The following PATJ variants were observed in gnomAD, a reference collection of about 807,000 sequenced individuals.
PATJ encodes the protein inaD-like protein.
Under a neutral mutation model 224.9 loss-of-function variants are expected in PATJ, and 190 were observed. That is an observed-to-expected ratio of 0.84 (90% confidence interval 0.75 to 0.95). PATJ has a LOEUF of 0.95. Ranked by LOEUF, PATJ falls within the 40% of genes least tolerant of loss-of-function variation. PATJ has a pLI of 0.00. For synonymous variants in PATJ, 769 were observed against 820.3 expected (o/e 0.94, Z 1.07); for missense variants, 2,121 against 2,270.3 (o/e 0.93, Z 1.34).
Position 61,987,811 on chromosome 1 carries a change from C to T in PATJ, c.3671-2357C>T, listed in dbSNP as rs79546994. Reference sequence around the variant, plus strand: ...TTTCACCCACCAAGATTCTTCTTCACATAATCAAATTCCATACCTTACTCA... The same window carrying T: ...TTTCACCCACCAAGATTCTTCTTCATATAATCAAATTCCATACCTTACTCA... On this transcript the variant is annotated intron_variant, in intron 27 of 43. Coordinates refer to ENST00000642238, the MANE Select transcript of PATJ (RefSeq NM_001350145.3). Among the ~76,000 whole-genome samples, 1,033 of 152,308 alleles carry T rather than the reference C, an allele frequency of 6.8e-3. 16 individuals are homozygous for T. The highest frequency in any genetic ancestry group is 0.024 in the African/African-American group (996 of 41,572).
rs1241224468 is a variant in PATJ, at chr1:61,910,007, CTT to C, written c.3492+1526_3492+1527del. Among the ~76,000 whole-genome samples, 7 of 152,260 alleles carry C rather than the reference CTT, an allele frequency of 4.6e-5. No homozygotes were observed. The East Asian group carries it at 5.8e-4, about 13-fold the overall frequency. ...AGAGAGGTGAGCTGAATAAAGTTCT[CTT>C]GTTTTCATAAAATTTGAAATTCAAT... On this transcript the variant is annotated intron_variant, in intron 25 of 43. Coordinates refer to ENST00000642238, the MANE Select transcript of PATJ (RefSeq NM_001350145.3).
intron 11 of PATJ, among the ~76,000 whole-genome samples, chr1:61,801,252 A>AC (rs1480749625): frequency 1.3e-5 from 2 of 152,018 alleles, no homozygotes; most frequent in African/African-American, 4.8e-5. Context: ...TTGTTTCCTG[A>AC]CTTTTTAATG....
chr1:61,872,750 C>G (rs1025196066), intron 20 of PATJ, among the ~76,000 whole-genome samples: 3 of 152,166 alleles, frequency 2.0e-5, no homozygotes, highest in Admixed American at 2.0e-4. Context: ...GGAAAATCCT[C>G]GGAGGCCCAC....
intron 27 of PATJ, among the ~76,000 whole-genome samples, chr1:61,967,291 C>T (rs1167194124): frequency 6.6e-6 from 1 of 152,122 alleles, no homozygotes; most frequent in South Asian, 2.1e-4. Context: ...CTAAGAACTG[C>T]CTTTTTATTC....
chr1:61,938,710 T>G (rs1677274248), intron 27 of PATJ, among the ~76,000 whole-genome samples: 1 of 152,064 alleles, frequency 6.6e-6, no homozygotes, highest in African/African-American at 2.4e-5. Context: ...ATAAATAATT[T>G]TTTAACTGCA....
intron 27 of PATJ, among the ~76,000 whole-genome samples, chr1:61,980,731 G>A (rs1644407794): frequency 6.6e-6 from 1 of 152,060 alleles, no homozygotes; most frequent in Non-Finnish European, 1.5e-5. Context: ...TAGAGCAAAT[G>A]CCAGGCCATG....
At chr1:62,090,460 T>C (rs890458538) in intron 33 of PATJ, among the ~76,000 whole-genome samples, 2 of 151,986 alleles carry the variant, frequency 1.3e-5, no homozygotes, top group African/African-American at 4.8e-5. Flanking sequence ...GGTAAACCAA[T>C]GAAAAGTCAT....
intron 22 of PATJ, among the ~76,000 whole-genome samples, chr1:61,895,310 G>A (rs143748025): frequency 2.0e-3 from 303 of 152,326 alleles, no homozygotes; most frequent in Middle Eastern, 6.8e-3. Context: ...TAGCCAAGAC[G>A]GGGAAAATAT....
At chr1:61,770,593 G>A (rs1646543650) in intron 5 of PATJ, among the ~76,000 whole-genome samples, 1 of 152,114 alleles carries the variant, frequency 6.6e-6, no homozygotes, top group Non-Finnish European at 1.5e-5. Flanking sequence ...CTTTTAAAAA[G>A]AGTCCTTCTT....
At chr1:62,013,309 T>A in intron 28 of PATJ, 1 of 983,322 alleles carries the variant, frequency 1.0e-6, no homozygotes, top group Non-Finnish European at 1.2e-6. Context: ...CTCAAGCGTT[T>A]TGCTGATCAA....
intron 3 of PATJ, among the ~76,000 whole-genome samples, chr1:61,765,833 A>G (rs1404522671): frequency 1.3e-5 from 2 of 152,194 alleles, no homozygotes; most frequent in African/African-American, 2.4e-5. Flanking sequence ...AATACCTGCA[A>G]TCATGCTGGT....
rs866635223 is a variant in PATJ, at chr1:61,783,697, A to T, written c.850-4057A>T. Among the ~76,000 whole-genome samples the T allele has an allele frequency of 6.6e-5, 10 of 150,538 alleles. No homozygotes were observed. The South Asian group carries it at 2.1e-3, about 32-fold the overall frequency. ...ATCATCCACAACAGCATATCAGAGA[A>T]GTTAAAATGCAAAGTAATGTGAGTT... On this transcript the variant is annotated intron_variant, in intron 7 of 43. Coordinates refer to ENST00000642238, the MANE Select transcript of PATJ (RefSeq NM_001350145.3).
At chr1:62,065,173 T>C (rs929727282) in intron 31 of PATJ, among the ~76,000 whole-genome samples, 2 of 152,258 alleles carry the variant, frequency 1.3e-5, no homozygotes, top group Non-Finnish European at 2.9e-5. Context: ...GGAAAGTCTC[T>C]GGAGAAAAGC....
intron 31 of PATJ, among the ~76,000 whole-genome samples, chr1:62,058,152 G>C (rs1417376186): frequency 1.3e-5 from 2 of 152,112 alleles, no homozygotes; most frequent in Non-Finnish European, 2.9e-5. Context: ...CATTCTTCTT[G>C]GAGTTTCTTT....
rs775559521 is a variant in PATJ, at chr1:61,990,158, C to T, written c.3671-10C>T. 7 of 1,572,406 alleles carry T rather than the reference C, an allele frequency of 4.5e-6. No homozygotes were observed. The highest frequency in any genetic ancestry group is 5.2e-6 in the Non-Finnish European group (6 of 1,160,502). On this transcript the variant is annotated splice_polypyrimidine_tract_variant and intron_variant, in intron 27 of 43. Transcript: ENST00000642238. The stretch of plus-strand genomic sequence containing the variant: ...TACTCTATTTAATTTTAAAAAAATT[C>T]TTTTAATAGAAAAAATCAGACAAAG...
At chr1:61,812,469 G>T (rs1331729095) in intron 14 of PATJ, among the ~76,000 whole-genome samples, 1 of 119,586 alleles carries the variant, frequency 8.4e-6, no homozygotes, top group African/African-American at 3.4e-5. Context: ...TGTGTGTGTG[G>T]TGGTATTGGT....
chr1:62,064,462 G>A (rs984266500), intron 31 of PATJ, among the ~76,000 whole-genome samples: 4 of 151,988 alleles, frequency 2.6e-5, no homozygotes, highest in Non-Finnish European at 5.9e-5. Flanking sequence ...CTGAGTAGCT[G>A]GGATTACAGG....
chr1:61,855,682 G>A (rs888157990), intron 17 of PATJ, among the ~76,000 whole-genome samples: 3 of 152,074 alleles, frequency 2.0e-5, no homozygotes, highest in African/African-American at 7.2e-5. Context: ...CCAAAGTGCT[G>A]GGATTACAGG....
intron 29 of PATJ, among the ~76,000 whole-genome samples, chr1:62,026,634 C>T (rs1198083871): frequency 2.6e-5 from 4 of 152,160 alleles, no homozygotes; most frequent in Non-Finnish European, 5.9e-5. Flanking sequence ...TTTGATAAAA[C>T]GGTATTTTGT....
Sources: gnomAD v4.1 joint callset for allele counts (sites outside exome capture counted in the v4.1 genomes callset) on GRCh38, gnomAD v4.1.1 for gene constraint, MANE v1.5 for transcripts, NCBI Gene and HGNC (gene_info 2026-07-23, HGNC 2026-07-21) for gene names.